THRB: variants seen among roughly 807,000 people sequenced by gnomAD.
The protein encoded by THRB is nuclear receptor subfamily 1 group A member 2.
In THRB, 12 loss-of-function variants were observed where a neutral mutation model predicts 47.8. The ratio of observed to expected loss-of-function variants is 0.25; its 90% CI spans 0.16 to 0.41. The LOEUF (loss-of-function observed/expected upper bound fraction) is 0.41. THRB is among the 10% of genes least tolerant of loss of function. THRB has a pLI of 1.00. For synonymous variants in THRB, 218 were observed against 212.2 expected (o/e 1.03, Z -0.24); for missense variants, 348 against 589.2 (o/e 0.59, Z 4.24).
chr3:24,153,264 C>A (rs947972067), intron 5 of THRB, among the ~76,000 whole-genome samples: 2 of 152,176 alleles, frequency 1.3e-5, no homozygotes, highest in Non-Finnish European at 2.9e-5. Flanking sequence ...AACAGGCCTG[C>A]AGAGGTTTGG....
chr3:24,389,417 A>G (rs1414350655), intron 1 of THRB, among the ~76,000 whole-genome samples: 2 of 152,188 alleles, frequency 1.3e-5, no homozygotes, highest in East Asian at 3.9e-4. Flanking sequence ...CTATTGTTAG[A>G]CAGAATAATA....
intron 4 of THRB, among the ~76,000 whole-genome samples, chr3:24,228,552 A>T (rs942183355): frequency 2.0e-5 from 3 of 150,354 alleles, no homozygotes; most frequent in Non-Finnish European, 4.4e-5. Flanking sequence ...GAATCACTTG[A>T]GCCCTGGGAG....
At chr3:24,276,592 G>A (rs2053936076) in intron 3 of THRB, among the ~76,000 whole-genome samples, 1 of 152,232 alleles carries the variant, frequency 6.6e-6, no homozygotes, top group African/African-American at 2.4e-5. Context: ...CCAGTGCCTA[G>A]GACATAGTGA....
At chr3:24,379,205 C>G (rs1246324110) in intron 1 of THRB, among the ~76,000 whole-genome samples, 1 of 152,018 alleles carries the variant, frequency 6.6e-6, no homozygotes, top group Non-Finnish European at 1.5e-5. Flanking sequence ...TTCCTATAAG[C>G]ACAAATTTGT....
At chr3:24,164,536 A>G (rs1160313793) in intron 5 of THRB, among the ~76,000 whole-genome samples, 3 of 152,224 alleles carry the variant, frequency 2.0e-5, no homozygotes, top group African/African-American at 4.8e-5. Context: ...CTAGCAAATC[A>G]ACATTAGTAT....
chr3:24,184,938 A>ATGTCTAACATGAAGGATTATAAT (rs1351107739), intron 5 of THRB, among the ~76,000 whole-genome samples: 2 of 152,200 alleles, frequency 1.3e-5, no homozygotes, highest in African/African-American at 4.8e-5. Flanking sequence ...GAAAATGTGA[A>ATGTCTAACATGAAGGATTATAAT]TGTCTAACAT....
chr3:24,217,321 C>T (rs2046669645), intron 4 of THRB, among the ~76,000 whole-genome samples: 2 of 152,016 alleles, frequency 1.3e-5, no homozygotes, highest in East Asian at 3.9e-4. Flanking sequence ...TGAAAAATGC[C>T]TTCAGATTTT....
At chr3:24,445,624 A>G (rs945669556) in intron 1 of THRB, among the ~76,000 whole-genome samples, 37 of 152,318 alleles carry the variant, frequency 2.4e-4, no homozygotes, top group African/African-American at 8.9e-4. Flanking sequence ...TAAAAAACTA[A>G]TGCTTAATGC....
At chr3:24,258,445 A>G (rs1260289460) in intron 3 of THRB, among the ~76,000 whole-genome samples, 3 of 152,162 alleles carry the variant, frequency 2.0e-5, no homozygotes, top group African/African-American at 4.8e-5. Context: ...GTCCTGCGCC[A>G]AGCTGCCTGC....
intron 3 of THRB, among the ~76,000 whole-genome samples, chr3:24,249,901 A>G (rs2050488661): frequency 6.6e-6 from 1 of 152,182 alleles, no homozygotes; most frequent in Non-Finnish European, 1.5e-5. Flanking sequence ...TTTTGCTAGT[A>G]TTTCCACATG....
At chr3:24,419,625 G>A (rs1397971121) in intron 1 of THRB, among the ~76,000 whole-genome samples, 1 of 151,930 alleles carries the variant, frequency 6.6e-6, no homozygotes, top group Non-Finnish European at 1.5e-5. Context: ...TTGCTCTGCA[G>A]AGATTTAAGA....
chr3:24,253,381 A>G (rs144775247), intron 3 of THRB, among the ~76,000 whole-genome samples: 3 of 152,218 alleles, frequency 2.0e-5, no homozygotes, highest in African/African-American at 7.2e-5. Context: ...CAATGGAGAT[A>G]CAGCATTGAA....
chr3:24,169,121 TTC>T (rs2040073480), intron 5 of THRB, among the ~76,000 whole-genome samples: 1 of 152,162 alleles, frequency 6.6e-6, no homozygotes, highest in African/African-American at 2.4e-5. Context: ...TGTTCTCACT[TTC>T]TGTTTTAGTA....
intron 1 of THRB, among the ~76,000 whole-genome samples, chr3:24,390,170 A>T (rs531821220): frequency 3.3e-5 from 5 of 152,246 alleles, no homozygotes; most frequent in Admixed American, 2.0e-4. Context: ...GCAATGATTC[A>T]TTGATCAGCT....
intron 4 of THRB, among the ~76,000 whole-genome samples, chr3:24,214,728 G>A (rs2046394043): frequency 6.6e-6 from 1 of 152,070 alleles, no homozygotes; most frequent in Non-Finnish European, 1.5e-5. Flanking sequence ...CCTGCAACCT[G>A]GCCTGCAACC....
chr3:24,300,087 G>T (rs2056828566), intron 2 of THRB, among the ~76,000 whole-genome samples: 1 of 152,008 alleles, frequency 6.6e-6, no homozygotes, highest in African/African-American at 2.4e-5. Context: ...TATGCCTGAG[G>T]GAGGGCAGAA....
intron 1 of THRB, among the ~76,000 whole-genome samples, chr3:24,452,598 T>G (rs1560220244): frequency 6.6e-6 from 1 of 152,060 alleles, no homozygotes; most frequent in Non-Finnish European, 1.5e-5. Context: ...GAAACATGCT[T>G]CCTTCCACTT....
intron 9 of THRB, 45 bp from the exon 10 acceptor site, chr3:24,127,802 G>T: frequency 1.2e-6 from 2 of 1,610,656 alleles, no homozygotes; most frequent in Non-Finnish European, 1.7e-6. Context: ...ATGCAAAAAT[G>T]CCAGTCAGGA....
At chr3:24,477,979 T>G (rs985697539) in intron 1 of THRB, among the ~76,000 whole-genome samples, 2 of 150,526 alleles carry the variant, frequency 1.3e-5, no homozygotes, top group African/African-American at 4.9e-5. Context: ...ACAAAGAGTG[T>G]GGAATATGTA....
Sources: allele counts gnomAD v4.1 joint callset (sites outside exome capture counted in the v4.1 genomes callset), GRCh38; gene constraint gnomAD v4.1.1; transcripts MANE v1.5; gene names NCBI Gene and HGNC (gene_info 2026-07-23, HGNC 2026-07-21).